Variants in KCNQ4 observed in about 807,000 individuals in gnomAD.
KCNQ4 encodes potassium voltage-gated channel subfamily Q member 4, also known as potassium voltage-gated channel subfamily KQT member 4.
In KCNQ4, 31 loss-of-function variants were observed where a neutral mutation model predicts 72.6. That is an observed-to-expected ratio of 0.43 (90% CI 0.32 to 0.58). The LOEUF is 0.58. KCNQ4 is among the 20% of genes least tolerant of loss of function. KCNQ4 has a pLI of 0.08. For missense variants in KCNQ4, 869 were observed against 962.6 expected (o/e 0.90, Z 1.29); for synonymous variants, 405 against 403.7 (o/e 1.00, Z -0.04).
chr1:40,820,126 C>T (rs1357022553), intron 6 of KCNQ4, 39 bp from the exon 7 acceptor site: 1 of 1,574,794 alleles, frequency 6.4e-7, no homozygotes. Context: ...TGCCCCACCA[C>T]TGCCAGCACA....
intron 11 of KCNQ4, among the ~76,000 whole-genome samples, chr1:40,834,703 C>A (rs1017515438): frequency 6.6e-6 from 1 of 152,090 alleles, no homozygotes; most frequent in Admixed American, 6.5e-5. Flanking sequence ...GCCTCCTTCT[C>A]GAGGCTGATC....
At chr1:40,829,815 C>T (rs966127496) in intron 9 of KCNQ4, among the ~76,000 whole-genome samples, 5 of 152,184 alleles carry the variant, frequency 3.3e-5, no homozygotes, top group African/African-American at 1.2e-4. Context: ...TAGTGGCAAA[C>T]CACAGCAGGG....
chr1:40,795,388 T>C (rs1246699240), intron 1 of KCNQ4, among the ~76,000 whole-genome samples: 1 of 151,580 alleles, frequency 6.6e-6, no homozygotes. Flanking sequence ...CAGCCTTTCA[T>C]GTAGCTGAGA....
At chr1:40,812,004 C>A (rs548657829) in intron 1 of KCNQ4, among the ~76,000 whole-genome samples, 1 of 152,276 alleles carries the variant, frequency 6.6e-6, no homozygotes, top group Non-Finnish European at 1.5e-5. Flanking sequence ...GCATGAGACC[C>A]CAGCTAAGGG....
chr1:40,828,470 C>T (rs2148327748), intron 9 of KCNQ4, among the ~76,000 whole-genome samples: 1 of 151,832 alleles, frequency 6.6e-6, no homozygotes, highest in East Asian at 2.0e-4. Context: ...GAACTTGCTC[C>T]AGTTGAGAAC....
chr1:40,839,034 T>C lies in KCNQ4; in HGVS notation c.*511T>C, dbSNP rs1648899719. ...TGCCACAAGGCAGGTGGACACCATA[T>C]ATGCAAACCATGTTAAATATGCAAC... On this transcript the variant is annotated 3_prime_UTR_variant, in exon 14 of 14. Transcript: ENST00000347132. 1 of 184,136 alleles carries C rather than the reference T, an allele frequency of 5.4e-6. No homozygotes were observed. The highest frequency in any genetic ancestry group is 2.4e-5 in the African/African-American group (1 of 42,394). 11.4% of individuals were successfully genotyped at this position (184,136 alleles called of 1,614,324 possible). A position where few individuals can be genotyped will look rare whatever the true frequency, so the allele number is the denominator to read the frequency against.
intron 1 of KCNQ4, among the ~76,000 whole-genome samples, chr1:40,813,476 G>A (rs1647986081): frequency 6.6e-6 from 1 of 152,156 alleles, no homozygotes; most frequent in African/African-American, 2.4e-5. Context: ...AAGAATGAAG[G>A]AGCCTGAGCC....
chr1:40,786,269 G>A (rs1357145302), intron 1 of KCNQ4, among the ~76,000 whole-genome samples: 1 of 152,182 alleles, frequency 6.6e-6, no homozygotes, highest in South Asian at 2.1e-4. Flanking sequence ...GCTCTGAGGT[G>A]GGGTCCTTAC....
chr1:40,837,713 G>C lies in KCNQ4; in HGVS notation c.1794G>C (p.Glu598Asp). Residue 598 changes from glutamate to aspartate, a missense_variant, in exon 13 of 14, where the codon GAG (glutamate) becomes GAC (aspartate). Transcript: ENST00000347132. ...GGCCCGGGGACAGGAAGGCCCGGGA[G>C]AAGGGCGACAAGGGGCCCTCCGACG... ...GRGPGDRKAR[E>D]KGDKGPSDAE... 5 of 1,613,534 alleles carry C rather than the reference G, an allele frequency of 3.1e-6. No homozygotes were observed. Among genetic ancestry groups the C allele is most frequent in the Non-Finnish European group, 4.2e-6 (5 of 1,179,814 alleles).
At position 40,831,236 on chromosome 1, in the gene KCNQ4, G is replaced by T; in HGVS notation, c.1445G>T (p.Ser482Ile). ...ACCAGCCCCACCAAGGTGCAAAAGA[G>T]CTGGAGCTTCAATGACCGCACCCGC... Reference protein sequence around the residue: ...EATSPTKVQKSWSFNDRTRFR... With the variant: ...EATSPTKVQKIWSFNDRTRFR... Residue 482 changes from serine (S) to isoleucine (I), a missense_variant, in exon 10 of 14, where the codon AGC (serine) becomes ATC (isoleucine). Coordinates refer to ENST00000347132, the MANE Select transcript of KCNQ4 (RefSeq NM_004700.4). 1 of 1,609,742 alleles carries T rather than the reference G, an allele frequency of 6.2e-7. No individual in the cohort carries two copies. Among genetic ancestry groups the T allele is most frequent in the East Asian group, 2.2e-5 (1 of 44,750 alleles).
chr1:40,835,739 T>C (rs184823061), intron 12 of KCNQ4, among the ~76,000 whole-genome samples: 1 of 152,356 alleles, frequency 6.6e-6, no homozygotes, highest in African/African-American at 2.4e-5. Flanking sequence ...AACTGGAATA[T>C]GTCAGACAAC....
Position 40,803,720 on chromosome 1 carries a change from A to G in KCNQ4, c.315-13545A>G, listed in dbSNP as rs559035719. Among the ~76,000 whole-genome samples, 6 of 152,310 alleles carry G rather than the reference A, an allele frequency of 3.9e-5. 1 individual carries two copies. In the South Asian group the frequency reaches 1.0e-3, roughly 26 times the overall value. On this transcript the variant is annotated intron_variant, in intron 1 of 13. Coordinates refer to ENST00000347132, the MANE Select transcript of KCNQ4 (RefSeq NM_004700.4). ...CTGGATTCAGTCTGGCTGGTCCTGG[A>G]TTTGGGGTTCCCACTGGGAGCATGG... is the stretch of plus-strand genomic sequence containing the variant.
intron 1 of KCNQ4, among the ~76,000 whole-genome samples, chr1:40,806,630 C>G (rs1004301512): frequency 6.6e-6 from 1 of 152,152 alleles, no homozygotes; most frequent in Admixed American, 6.5e-5. Flanking sequence ...GGCTTCTGTA[C>G]TATTACATTT....
At chr1:40,816,983 T>C (rs1183962627) in intron 1 of KCNQ4, among the ~76,000 whole-genome samples, 3 of 152,232 alleles carry the variant, frequency 2.0e-5, no homozygotes, top group Non-Finnish European at 4.4e-5. Context: ...CTATTTCCAC[T>C]GCCAGACCTG....
In KCNQ4 at chr1:40,838,543, G is replaced by C. The variant is rs772730721; in HGVS notation, c.*20G>C. The C allele has an allele frequency of 3.7e-6, 6 of 1,610,138 alleles. No individual in the cohort carries two copies. The highest frequency in any genetic ancestry group is 3.3e-5 in the Admixed American group (2 of 60,020). On this transcript the variant is annotated 3_prime_UTR_variant, in exon 14 of 14. Transcript: ENST00000347132. ...GACTGAGGGACTTCTCAGAGGCAGG[G>C]CAGCACACGGCCAGCCCCGCGGCCT... is the stretch of plus-strand genomic sequence containing the variant.
intron 1 of KCNQ4, among the ~76,000 whole-genome samples, chr1:40,812,742 G>A (rs1197189316): frequency 2.0e-5 from 3 of 152,186 alleles, no homozygotes; most frequent in Non-Finnish European, 4.4e-5. Flanking sequence ...AAAGACATGG[G>A]GCAGCCAGAG....
chr1:40,799,434 C>G (rs1647510898), intron 1 of KCNQ4, among the ~76,000 whole-genome samples: 1 of 151,478 alleles, frequency 6.6e-6, no homozygotes, highest in Non-Finnish European at 1.5e-5. Context: ...TGGGCCATGC[C>G]CCCCCCCTCG....
At chr1:40,785,701 C>T (rs1385370204) in intron 1 of KCNQ4, among the ~76,000 whole-genome samples, 1 of 152,136 alleles carries the variant, frequency 6.6e-6, no homozygotes, top group Non-Finnish European at 1.5e-5. Flanking sequence ...CACTCTTCCT[C>T]TACCTGTCTT....
intron 11 of KCNQ4, 77 bp from the exon 12 acceptor site, chr1:40,834,890 G>A (rs1648764462): frequency 6.3e-7 from 1 of 1,588,626 alleles, no homozygotes; most frequent in African/African-American, 1.3e-5. Flanking sequence ...CAAGGGGATA[G>A]CAAAGAGATG....
Sources: gnomAD v4.1 joint callset for allele counts (sites outside exome capture counted in the v4.1 genomes callset) on GRCh38, gnomAD v4.1.1 for gene constraint, MANE v1.5 for transcripts, NCBI Gene and HGNC (gene_info 2026-07-23, HGNC 2026-07-21) for gene names.